The following PCDH10 variants were observed in gnomAD, a reference collection of about 807,000 sequenced individuals.
PCDH10 encodes protocadherin-10.
PCDH10 carries 15 observed loss-of-function variants against 74.4 expected under a neutral mutation model. That is an observed-to-expected ratio of 0.20 (90% confidence interval 0.13 to 0.31). The LOEUF (loss-of-function observed/expected upper bound fraction) is 0.31, where lower values mean the gene tolerates loss of function less well. PCDH10 is among the 10% of genes least tolerant of loss of function. The pLI is 1.00. For synonymous variants in PCDH10, 619 were observed against 589.8 expected (o/e 1.05, Z -0.72); for missense variants, 1,260 against 1,390.2 (o/e 0.91, Z 1.49).
At position 133,151,061 on chromosome 4, in the gene PCDH10, T is replaced by C; in HGVS notation, c.921T>C (p.Thr307=). The C allele has an allele frequency of 6.2e-7, 1 of 1,614,068 alleles. No homozygotes were observed. The highest frequency in any genetic ancestry group is 8.5e-7 in the Non-Finnish European group (1 of 1,180,020). The change falls in exon 1 of 5, where the codon ACT becomes ACC. Residue 307 remains threonine, a synonymous_variant. Transcript: ENST00000264360. ...ARELFGLSPR[T]GRLEVSGELD... is the part of the protein sequence containing the mutation. ...AGCTTTTCGGACTCTCGCCGCGCAC[T>C]GGCAGACTGGAGGTAAGCGGCGAGT...
chr4:133,153,425 C>T (rs1477641634), intron 1 of PCDH10: 3 of 171,718 alleles, frequency 1.7e-5, no homozygotes, highest in Non-Finnish European at 3.5e-5. Context: ...GCACAAACCC[C>T]TGTTAAGAGT....
chr4:133,189,877 A>C (rs1727623303), intron 4 of PCDH10, among the ~76,000 whole-genome samples: 1 of 152,026 alleles, frequency 6.6e-6, no homozygotes, highest in African/African-American at 2.4e-5. Context: ...TAAAAAGTTA[A>C]TCTTCACAAA....
intron 1 of PCDH10, 80 bp from the exon 2 acceptor site, chr4:133,154,227 A>G: frequency 1.2e-6 from 1 of 826,544 alleles, no homozygotes; most frequent in South Asian, 1.6e-5. Context: ...TAAGCTAGAT[A>G]TAGTTCCTAA....
At chr4:133,196,935 AAAG>A (rs1456468088), downstream of PCDH10, among the ~76,000 whole-genome samples, 1 of 152,232 alleles carries the variant, frequency 6.6e-6, no homozygotes, top group East Asian at 1.9e-4. Context: ...TCTACAAACA[AAAG>A]AAATTCTTTT....
In PCDH10 at chr4:133,150,187, T is replaced by A; in HGVS notation, c.47T>A (p.Val16Asp). 6.3e-7 allele frequency: 1 copy of A among 1,599,814 alleles called. No homozygotes were observed. The highest frequency in any genetic ancestry group is 8.5e-7 in the Non-Finnish European group (1 of 1,174,310). Reference protein sequence around the residue: ...LFALLWMVEGVFSQLHYTVQE... With the variant: ...LFALLWMVEGDFSQLHYTVQE... ...GCCTTGCTCTGGATGGTGGAAGGAG[T>A]CTTTTCCCAGCTTCACTACACGGTA... Residue 16 changes from valine (V) to aspartate (D), a missense_variant, in exon 1 of 5, where the codon GTC becomes GAC. By Grantham distance (152) the Val-to-Asp change is radical. This residue lies in a region of PCDH10 where 103 missense variants were observed against 91.5 expected (regional missense o/e 1.13). Coordinates refer to ENST00000264360, the MANE Select transcript of PCDH10 (RefSeq NM_032961.3).
chr4:133,187,053 G>A (rs771016345), intron 4 of PCDH10, among the ~76,000 whole-genome samples: 5 of 152,068 alleles, frequency 3.3e-5, no homozygotes, highest in African/African-American at 9.7e-5. Flanking sequence ...AACTCAACCC[G>A]TAGAAGGTTT....
intron 2 of PCDH10, 127 bp from the exon 3 acceptor site, chr4:133,154,790 G>T: frequency 3.0e-6 from 2 of 656,704 alleles, no homozygotes; most frequent in Non-Finnish European, 2.7e-6. Flanking sequence ...CTAGCTTTAT[G>T]CAGAAACAAA....
chr4:133,178,094 A>G (rs1727332033), intron 4 of PCDH10, among the ~76,000 whole-genome samples: 1 of 152,144 alleles, frequency 6.6e-6, no homozygotes, highest in African/African-American at 2.4e-5. Flanking sequence ...AGATATATCC[A>G]GAGGTATAGT....
In PCDH10 at chr4:133,190,509, T is replaced by C. The variant is rs1401109875; in HGVS notation, c.*349T>C. 6 of 240,976 alleles carry C rather than the reference T, an allele frequency of 2.5e-5. No individual in the cohort carries two copies. The highest frequency in any genetic ancestry group is 4.8e-5 in the Non-Finnish European group (6 of 125,934). The allele number at this position is 240,976 out of a possible 1,614,324, so 14.9% of individuals were successfully genotyped here. ...AAGCCAGTCATAAAGATAAAGGAAATTTGTGCATTATAAATGCAATATCAC... is the reference window on the plus strand; with the variant it reads ...AAGCCAGTCATAAAGATAAAGGAAACTTGTGCATTATAAATGCAATATCAC... On this transcript the variant is annotated 3_prime_UTR_variant, in exon 5 of 5. Coordinates refer to ENST00000264360, the MANE Select transcript of PCDH10 (RefSeq NM_032961.3).
chr4:133,155,926 A>C (rs1306698741), intron 3 of PCDH10, among the ~76,000 whole-genome samples: 1 of 152,122 alleles, frequency 6.6e-6, no homozygotes, highest in Non-Finnish European at 1.5e-5. Context: ...GTGTTTGTTG[A>C]ATATTTTACT....
At position 133,151,256 on chromosome 4, in the gene PCDH10, G is replaced by T. The variant is rs762102389; in HGVS notation, c.1116G>T (p.Ala372=). The part of the protein sequence containing the change: ...TVKEAVSEGA[A]PGTVVALFSV... The stretch of plus-strand genomic sequence containing the variant: ...AGGAAGCGGTGAGTGAGGGCGCGGC[G>T]CCCGGCACTGTGGTGGCCCTTTTCA... Residue 372 remains alanine (A), a synonymous_variant, in exon 1 of 5, where the codon GCG becomes GCT. Transcript: ENST00000264360. The T allele has an allele frequency of 3.1e-6, 5 of 1,614,022 alleles. No individual in the cohort carries two copies. The East Asian group carries it at 6.7e-5, about 22-fold the overall frequency.
intron 1 of PCDH10, chr4:133,153,535 T>G (rs1478668042): frequency 6.6e-6 from 1 of 152,378 alleles, no homozygotes; most frequent in Non-Finnish European, 1.5e-5. Flanking sequence ...CTGTTGGCTT[T>G]CTTCATAAAA....
intron 4 of PCDH10, among the ~76,000 whole-genome samples, chr4:133,171,673 C>G (rs1159079937): frequency 1.3e-5 from 2 of 152,048 alleles, no homozygotes; most frequent in African/African-American, 4.8e-5. Flanking sequence ...AGGAATAAGT[C>G]TATAGATAAG....
In PCDH10 at chr4:133,190,398, G is replaced by C. The variant is rs889860498; in HGVS notation, c.*238G>C. 1 of 577,600 alleles carries C rather than the reference G, an allele frequency of 1.7e-6. No individual in the cohort carries two copies. Among genetic ancestry groups the C allele is most frequent in the South Asian group, 2.3e-5 (1 of 42,906 alleles). The allele number at this position is 577,600 out of a possible 1,614,324, so 35.8% of individuals were successfully genotyped here. On this transcript the variant is annotated 3_prime_UTR_variant, in exon 5 of 5. Transcript: ENST00000264360. ...TAGAGGCAACAGATTTTGCCTCCCC[G>C]ATCAGTGTGTGCCTGTTTACAGCAC...
chr4:133,167,641 T>A (rs2125865179), intron 4 of PCDH10, among the ~76,000 whole-genome samples: 1 of 151,594 alleles, frequency 6.6e-6, no homozygotes. Flanking sequence ...AATTTCTGAT[T>A]AGTTCTCTTC....
intron 2 of PCDH10, among the ~76,000 whole-genome samples, chr4:133,203,542 G>A (rs1578583720): frequency 1.3e-5 from 2 of 152,086 alleles, no homozygotes; most frequent in Non-Finnish European, 2.9e-5. Context: ...GATCTTTGTT[G>A]CAACAGAGAA....
chr4:133,150,146 T>C lies in PCDH10; in HGVS notation c.6T>C (p.Ile2=), dbSNP rs200347706. ...TACTTCCTTTCCTTTTGGAGATGAT[T>C]GTGCTATTATTGTTTGCCTTGCTCT... M[I]VLLLFALLWM... is the part of the protein sequence containing the mutation. The change falls in exon 1 of 5, where the codon ATT becomes ATC. Residue 2 remains isoleucine, a synonymous_variant. Coordinates refer to ENST00000264360, the MANE Select transcript of PCDH10 (RefSeq NM_032961.3). 34 of 1,528,686 alleles carry C rather than the reference T, an allele frequency of 2.2e-5. No individual in the cohort carries two copies. Among genetic ancestry groups the C allele is most frequent in the Non-Finnish European group, 7.0e-6 (8 of 1,135,922 alleles). The allele number at this position is 1,528,686 out of a possible 1,614,324, so 94.7% of individuals were successfully genotyped here.
intron 4 of PCDH10, among the ~76,000 whole-genome samples, chr4:133,181,220 A>G (rs1256469704): frequency 6.6e-6 from 1 of 152,084 alleles, no homozygotes; most frequent in Non-Finnish European, 1.5e-5. Context: ...AATTTAAATA[A>G]CAGTTAAGAT....
Position 133,149,296 on chromosome 4 carries a change from A to ACCAGCCC in PCDH10, c.-845_-844insCCAGCCC, listed in dbSNP as rs1235618665. Reference sequence around the variant, plus strand: ...GAGAAGCCGAGCGCTCGGAGCTCAGAAACTGCCAGCCCAGACCACAGGCTC... The same window carrying ACCAGCCC: ...GAGAAGCCGAGCGCTCGGAGCTCAGACCAGCCCAACTGCCAGCCCAGACCACAGGCTC... On this transcript the variant is annotated 5_prime_UTR_variant, in exon 1 of 5. Coordinates refer to ENST00000264360, the MANE Select transcript of PCDH10 (RefSeq NM_032961.3). 6.6e-6 allele frequency: 1 copy of ACCAGCCC among 152,470 alleles called. No individual in the cohort carries two copies. Among genetic ancestry groups the ACCAGCCC allele is most frequent in the Non-Finnish European group, 1.5e-5 (1 of 68,106 alleles). 9.4% of individuals were successfully genotyped at this position (152,470 alleles called of 1,614,324 possible).
Sources: allele counts gnomAD v4.1 joint callset (sites outside exome capture counted in the v4.1 genomes callset), GRCh38; gene constraint gnomAD v4.1.1; regional missense constraint gnomAD v4.1.1; transcripts MANE v1.5; gene names NCBI Gene and HGNC (gene_info 2026-07-23, HGNC 2026-07-21).